Variants in ZSWIM6 observed in about 807,000 individuals in gnomAD.
ZSWIM6 encodes zinc finger SWIM domain-containing protein 6.
ZSWIM6 carries 9 observed loss-of-function variants against 113.2 expected under a neutral mutation model. That is an observed-to-expected ratio of 0.08 (90% confidence interval 0.05 to 0.14). The LOEUF is 0.14. Among genes scored for constraint, ZSWIM6 ranks in the 10% least tolerant of loss-of-function variants. The pLI, the probability that ZSWIM6 is intolerant of heterozygous loss-of-function variation, is 1.00. For synonymous variants in ZSWIM6, 611 were observed against 606.5 expected (o/e 1.01, Z -0.11); for missense variants, 1,162 against 1,552.2 (o/e 0.75, Z 4.22).
intron 4 of ZSWIM6, among the ~76,000 whole-genome samples, chr5:61,499,458 G>C (rs146001100): frequency 9.1e-4 from 138 of 152,256 alleles, no homozygotes; most frequent in African/African-American, 3.2e-3. Context: ...TAGCAAGGAG[G>C]GGGTAGAGAG....
At chr5:61,523,439 A>G (rs961859999) in intron 5 of ZSWIM6, among the ~76,000 whole-genome samples, 1 of 152,202 alleles carries the variant, frequency 6.6e-6, no homozygotes, top group Admixed American at 6.5e-5. Context: ...TAATATACCA[A>G]AAGTATAGCC....
At chr5:61,374,720 A>AT (rs373367273) in intron 1 of ZSWIM6, among the ~76,000 whole-genome samples, 9,853 of 151,558 alleles carry the variant, frequency 0.065, 961 homozygotes, top group African/African-American at 0.21. Flanking sequence ...CGCCCGGCTG[A>AT]TTTTTTTGTA....
At chr5:61,352,831 G>A (rs1744820446) in intron 1 of ZSWIM6, among the ~76,000 whole-genome samples, 1 of 152,220 alleles carries the variant, frequency 6.6e-6, no homozygotes, top group Admixed American at 6.5e-5. Flanking sequence ...AAGATTGCAA[G>A]ATGGTGGTAG....
At chr5:61,416,901 G>A (rs1364979672) in intron 1 of ZSWIM6, among the ~76,000 whole-genome samples, 1 of 152,234 alleles carries the variant, frequency 6.6e-6, no homozygotes, top group Non-Finnish European at 1.5e-5. Context: ...TCGGGAGGCC[G>A]AGGCAAGGTG....
intron 1 of ZSWIM6, among the ~76,000 whole-genome samples, chr5:61,352,713 T>G (rs2112041462): frequency 6.6e-6 from 1 of 152,370 alleles, no homozygotes; most frequent in South Asian, 2.1e-4. Flanking sequence ...CAGTAAGTAC[T>G]TTATCAAGGT....
intron 1 of ZSWIM6, among the ~76,000 whole-genome samples, chr5:61,447,135 C>T (rs1437635291): frequency 2.0e-5 from 3 of 152,016 alleles, no homozygotes; most frequent in African/African-American, 7.2e-5. Flanking sequence ...AGAACAGCAG[C>T]GTGAAAGCCT....
intron 1 of ZSWIM6, among the ~76,000 whole-genome samples, chr5:61,424,200 T>C (rs1326943696): frequency 6.6e-6 from 1 of 152,156 alleles, no homozygotes; most frequent in Admixed American, 6.5e-5. Flanking sequence ...AGGAGTATCT[T>C]TTTCCATCTT....
chr5:61,520,883 T>G (rs568457365), intron 4 of ZSWIM6, among the ~76,000 whole-genome samples: 1 of 152,264 alleles, frequency 6.6e-6, no homozygotes, highest in Non-Finnish European at 1.5e-5. Context: ...TATATGTTAT[T>G]GGCATTTTTG....
intron 1 of ZSWIM6, among the ~76,000 whole-genome samples, chr5:61,362,179 T>C (rs1399184214): frequency 6.6e-6 from 1 of 151,998 alleles, no homozygotes; most frequent in Non-Finnish European, 1.5e-5. Context: ...AAATGGGAAA[T>C]TGAGATATGC....
chr5:61,476,579 G>A (rs1444363985), intron 2 of ZSWIM6, among the ~76,000 whole-genome samples: 1 of 152,124 alleles, frequency 6.6e-6, no homozygotes, highest in Non-Finnish European at 1.5e-5. Context: ...ATTGCCAGTT[G>A]TAGTTCTGTA....
chr5:61,544,517 CCTTT>C lies in ZSWIM6; in HGVS notation c.*201_*204del. On this transcript the variant is annotated 3_prime_UTR_variant, in exon 14 of 14. Transcript: ENST00000252744. ...TTATTTTTTCCCTATTTCTTTCTTT[CCTTT>C]ATTTTATTATTTTTTTTAATTTTTT... 3.4e-6 allele frequency: 1 copy of C among 298,276 alleles called. No individual in the cohort carries two copies. The highest frequency in any genetic ancestry group is 6.1e-6 in the Non-Finnish European group (1 of 164,960). 18.5% of individuals were successfully genotyped at this position (298,276 alleles called of 1,614,324 possible).
intron 1 of ZSWIM6, among the ~76,000 whole-genome samples, chr5:61,470,994 G>A (rs1747556368): frequency 6.6e-6 from 1 of 152,142 alleles, no homozygotes; most frequent in Admixed American, 6.5e-5. Context: ...ACCATTGTCT[G>A]GCCATCATTC....
intron 1 of ZSWIM6, among the ~76,000 whole-genome samples, chr5:61,471,351 C>G (rs1302824305): frequency 6.6e-6 from 1 of 152,138 alleles, no homozygotes; most frequent in African/African-American, 2.4e-5. Context: ...TACCACCCAC[C>G]CCAATTTAGG....
At chr5:61,521,894 G>C (rs1476733763) in intron 5 of ZSWIM6, among the ~76,000 whole-genome samples, 1 of 152,072 alleles carries the variant, frequency 6.6e-6, no homozygotes, top group Non-Finnish European at 1.5e-5. Context: ...TTAAAATGTA[G>C]TAAGGAAATA....
intron 1 of ZSWIM6, among the ~76,000 whole-genome samples, chr5:61,352,662 C>A (rs1744816226): frequency 6.6e-6 from 1 of 152,236 alleles, no homozygotes; most frequent in Admixed American, 6.5e-5. Context: ...GAGGCACTTT[C>A]TTAGAATCTG....
intron 1 of ZSWIM6, among the ~76,000 whole-genome samples, chr5:61,410,137 A>G (rs1746124210): frequency 6.6e-6 from 1 of 152,114 alleles, no homozygotes; most frequent in Non-Finnish European, 1.5e-5. Context: ...TGAAGTCAGC[A>G]TATAGACCAG....
In ZSWIM6 at chr5:61,543,529, G is replaced by A; in HGVS notation, c.2860G>A (p.Ala954Thr). The change falls in exon 14 of 14, where the codon GCA (alanine) becomes ACA (threonine). Residue 954 changes from alanine (A) to threonine (T), a missense_variant. Ala to Thr is a moderately conservative substitution (Grantham distance 58). Transcript: ENST00000252744. The surrounding 1 kb of genome is among the most constrained non-coding windows in gnomAD (Gnocchi z 4.3). ...FTPTEATSIV[A>T]TTVMSNSTIV... is the part of the protein sequence containing the mutation. ...TCCCACCGAGGCCACAAGTATAGTT[G>A]CAACTACCGTGATGTCCAACAGCAC... 6.4e-7 allele frequency: 1 copy of A among 1,551,584 alleles called. No individual in the cohort carries two copies. The highest frequency in any genetic ancestry group is 8.7e-7 in the Non-Finnish European group (1 of 1,146,998).
At chr5:61,362,929 T>C (rs1745061265) in intron 1 of ZSWIM6, among the ~76,000 whole-genome samples, 1 of 152,234 alleles carries the variant, frequency 6.6e-6, no homozygotes, top group African/African-American at 2.4e-5. Flanking sequence ...AAGACAAGAC[T>C]TATCCCTAAA....
intron 10 of ZSWIM6, among the ~76,000 whole-genome samples, chr5:61,537,559 T>TAA (rs11416812): frequency 4.6e-4 from 68 of 147,884 alleles, no homozygotes; most frequent in Admixed American, 1.7e-3. Flanking sequence ...TATTCTGAGT[T>TAA]AAAAAAAAAA....
Sources: allele counts gnomAD v4.1 joint callset (sites outside exome capture counted in the v4.1 genomes callset), GRCh38; gene constraint gnomAD v4.1.1; non-coding constraint Gnocchi (gnomAD v3.1); transcripts MANE v1.5; gene names NCBI Gene and HGNC (gene_info 2026-07-23, HGNC 2026-07-21).